EIF4G3: variants seen among roughly 807,000 people sequenced by gnomAD.
The protein encoded by EIF4G3 is eukaryotic translation initiation factor 4 gamma 3, also known as eIF-4-gamma 3.
Under a neutral mutation model 186.4 loss-of-function variants are expected in EIF4G3, and 34 were observed. The observed-to-expected ratio is 0.18, with a 90% CI of 0.14 to 0.24. The LOEUF is 0.24. Ranked by LOEUF, EIF4G3 falls within the 10% of genes least tolerant of loss-of-function variation. The probability of loss-of-function intolerance (pLI) is 1.00; values close to 1 mark genes in which losing one functional copy is unlikely to be tolerated. For missense variants in EIF4G3, 1,536 were observed against 1,948.5 expected, an observed-to-expected ratio of 0.79 and a Z score of 3.99; for synonymous variants, 673 against 679.5, an observed-to-expected ratio of 0.99 and a Z score of 0.15.
At chr1:21,018,771 T>C (rs1353866637) in intron 4 of EIF4G3, among the ~76,000 whole-genome samples, 1 of 152,106 alleles carries the variant, frequency 6.6e-6, no homozygotes, top group Non-Finnish European at 1.5e-5. Context: ...GAAGAGCCTG[T>C]CACCTGGTTC....
intron 4 of EIF4G3, among the ~76,000 whole-genome samples, chr1:21,033,195 GTTTTTATTT>G (rs2092890514): frequency 6.6e-6 from 1 of 151,954 alleles, no homozygotes; most frequent in Non-Finnish European, 1.5e-5. Context: ...AGTTTTTGTT[GTTTTTATTT>G]TTTAAACAAC....
intron 10 of EIF4G3, among the ~76,000 whole-genome samples, chr1:20,980,077 A>G (rs2077640952): frequency 1.3e-5 from 2 of 152,146 alleles, no homozygotes; most frequent in Non-Finnish European, 2.9e-5. Flanking sequence ...GGCATGTGCC[A>G]GTAGGTCCAG....
chr1:21,002,900 G>T, intron 4 of EIF4G3, 92 bp from the exon 5 acceptor site: 2 of 689,494 alleles, frequency 2.9e-6, no homozygotes, highest in South Asian at 4.6e-5. Context: ...TTACAGAAGT[G>T]GTTATTAATG....
chr1:21,042,274 AG>A (rs2093629109), intron 4 of EIF4G3, among the ~76,000 whole-genome samples: 1 of 152,202 alleles, frequency 6.6e-6, no homozygotes, highest in Non-Finnish European at 1.5e-5. Context: ...CACCTCACCC[AG>A]CCCAACATTT....
chr1:20,892,579 C>G, intron 18 of EIF4G3: 1 of 1,284,860 alleles, frequency 7.8e-7, no homozygotes, highest in South Asian at 1.3e-5. Context: ...TATTATAACA[C>G]CAGAGACTAT....
chr1:20,997,583 G>A lies in EIF4G3; in HGVS notation c.177+18C>T. ...TCTATTAGTTAAGGGTGATAGTGAA[G>A]GGGCAAGGGTACAGTACCTGATGAT... On this transcript the variant is annotated intron_variant, in intron 7 of 36. Transcript: ENST00000602326. 1 of 1,550,078 alleles carries A rather than the reference G, an allele frequency of 6.5e-7. No individual in the cohort carries two copies.
intron 14 of EIF4G3, among the ~76,000 whole-genome samples, chr1:20,920,564 C>T (rs536463504): frequency 6.6e-6 from 1 of 152,186 alleles, no homozygotes; most frequent in South Asian, 2.1e-4. Flanking sequence ...AACAGGAAGT[C>T]AGAATGACTT....
intron 14 of EIF4G3, among the ~76,000 whole-genome samples, chr1:20,926,730 A>G (rs1404728392): frequency 6.6e-6 from 1 of 152,068 alleles, no homozygotes; most frequent in East Asian, 1.9e-4. Flanking sequence ...GTGATTTTAA[A>G]TATACCTGAT....
intron 2 of EIF4G3, among the ~76,000 whole-genome samples, chr1:21,150,508 CT>C (rs2097532752): frequency 6.6e-6 from 1 of 152,166 alleles, no homozygotes; most frequent in African/African-American, 2.4e-5. Context: ...TTCTACTCAA[CT>C]AACAGTTAAC....
intron 29 of EIF4G3, among the ~76,000 whole-genome samples, chr1:20,845,970 T>A (rs892303640): frequency 6.6e-6 from 1 of 152,230 alleles, no homozygotes; most frequent in Non-Finnish European, 1.5e-5. Context: ...GTGTCATCTC[T>A]GATTTCTTTG....
intron 3 of EIF4G3, among the ~76,000 whole-genome samples, chr1:21,075,493 C>T (rs1322148192): frequency 1.4e-5 from 2 of 142,488 alleles, no homozygotes; most frequent in Non-Finnish European, 3.0e-5. Flanking sequence ...CACTGGAACC[C>T]GGGAGGCGGA....
At chr1:21,153,557 T>C (rs1028780577) in intron 2 of EIF4G3, among the ~76,000 whole-genome samples, 1 of 152,138 alleles carries the variant, frequency 6.6e-6, no homozygotes, top group African/African-American at 2.4e-5. Flanking sequence ...ATGCAGCTTT[T>C]TTTTGTTTGT....
At chr1:20,815,249 C>T (rs199815407) in intron 34 of EIF4G3, among the ~76,000 whole-genome samples, 16,515 of 57,614 alleles carry the variant, frequency 0.29, 1,751 homozygotes, top group East Asian at 0.6. Flanking sequence ...CGCCCATCGT[C>T]TGGGAGGTGA....
At chr1:21,172,069 G>C (rs1438340464) in intron 2 of EIF4G3, among the ~76,000 whole-genome samples, 1 of 135,848 alleles carries the variant, frequency 7.4e-6, no homozygotes, top group Admixed American at 8.0e-5. Context: ...AAAATACTTT[G>C]AATTTTTAGC....
At chr1:20,841,960 A>C (rs2068765112) in intron 29 of EIF4G3, among the ~76,000 whole-genome samples, 1 of 152,076 alleles carries the variant, frequency 6.6e-6, no homozygotes, top group South Asian at 2.1e-4. Context: ...AGGCTCATCT[A>C]GGTGTCTCAC....
intron 7 of EIF4G3, among the ~76,000 whole-genome samples, chr1:20,989,650 C>T (rs991678621): frequency 1.4e-4 from 20 of 147,904 alleles, no homozygotes; most frequent in African/African-American, 5.0e-4. Context: ...CAAATGAGGA[C>T]TGGCTTCATA....
At chr1:21,165,352 C>A (rs140582469) in intron 2 of EIF4G3, among the ~76,000 whole-genome samples, 1 of 152,236 alleles carries the variant, frequency 6.6e-6, no homozygotes. Flanking sequence ...AGAGAAATTA[C>A]AACATAACAT....
chr1:20,891,286 A>AT, intron 18 of EIF4G3, among the ~76,000 whole-genome samples: 1 of 152,234 alleles, frequency 6.6e-6, no homozygotes, highest in Non-Finnish European at 1.5e-5. Context: ...GGATTTATAC[A>AT]TTTTGTGAGT....
intron 29 of EIF4G3, among the ~76,000 whole-genome samples, chr1:20,844,535 T>G (rs1442365011): frequency 3.3e-5 from 5 of 152,112 alleles, no homozygotes; most frequent in Non-Finnish European, 7.4e-5. Context: ...TCCTTACAGA[T>G]GCTGCACATA....
Sources: gnomAD v4.1 joint callset for allele counts (sites outside exome capture counted in the v4.1 genomes callset) on GRCh38, gnomAD v4.1.1 for gene constraint, MANE v1.5 for transcripts, NCBI Gene and HGNC (gene_info 2026-07-23, HGNC 2026-07-21) for gene names.